Variants in EXOC6B observed in about 807,000 individuals in gnomAD.
EXOC6B encodes exocyst complex component 6B.
In EXOC6B, 54 loss-of-function variants were observed where a neutral mutation model predicts 113.5. The ratio of observed to expected loss-of-function variants is 0.48; its 90% CI spans 0.38 to 0.60. EXOC6B has a LOEUF of 0.60. Among genes scored for constraint, EXOC6B ranks in the 20% least tolerant of loss-of-function variants. EXOC6B has a pLI of 0.00. For synonymous variants in EXOC6B, 357 were observed against 339.0 expected, an observed-to-expected ratio of 1.05 and a Z score of -0.58; for missense variants, 797 against 977.5, an observed-to-expected ratio of 0.82 and a Z score of 2.46.
chr2:72,643,513 A>G (rs1177721876), intron 6 of EXOC6B, among the ~76,000 whole-genome samples: 3 of 149,084 alleles, frequency 2.0e-5, no homozygotes, highest in Non-Finnish European at 4.4e-5. Flanking sequence ...TATCGCAAGA[A>G]CAAAAAACCA....
intron 20 of EXOC6B, among the ~76,000 whole-genome samples, chr2:72,239,170 C>T (rs532188656): frequency 4.6e-5 from 7 of 152,330 alleles, no homozygotes; most frequent in East Asian, 1.9e-4. Flanking sequence ...GGATTATGAG[C>T]GTGAGCCACT....
intron 18 of EXOC6B, among the ~76,000 whole-genome samples, chr2:72,434,948 C>T (rs1436913750): frequency 6.6e-6 from 1 of 152,080 alleles, no homozygotes; most frequent in Non-Finnish European, 1.5e-5. Flanking sequence ...CTTCTGCTAG[C>T]TTTTGAATGT....
At chr2:72,727,285 A>G (rs1680357534) in intron 5 of EXOC6B, among the ~76,000 whole-genome samples, 1 of 152,194 alleles carries the variant, frequency 6.6e-6, no homozygotes, top group Non-Finnish European at 1.5e-5. Flanking sequence ...TAATTGTATG[A>G]AATGTAAAAG....
intron 20 of EXOC6B, among the ~76,000 whole-genome samples, chr2:72,251,916 A>T (rs1390164707): frequency 6.6e-6 from 1 of 152,028 alleles, no homozygotes; most frequent in Non-Finnish European, 1.5e-5. Flanking sequence ...ATCTATCAGC[A>T]CTCTTGCAAC....
chr2:72,601,159 T>TGC (rs1670409308), intron 6 of EXOC6B, among the ~76,000 whole-genome samples: 1 of 136,694 alleles, frequency 7.3e-6, no homozygotes, highest in Non-Finnish European at 1.6e-5. Context: ...TGTGTGTGTG[T>TGC]GTGTGTGTGT....
At chr2:72,491,280 C>A (rs1699729300) in intron 16 of EXOC6B, among the ~76,000 whole-genome samples, 1 of 151,998 alleles carries the variant, frequency 6.6e-6, no homozygotes, top group Non-Finnish European at 1.5e-5. Context: ...CTTCCAATGT[C>A]CCATCTTATT....
intron 6 of EXOC6B, among the ~76,000 whole-genome samples, chr2:72,632,810 T>G (rs868583925): frequency 8.5e-5 from 13 of 152,104 alleles, no homozygotes; most frequent in African/African-American, 2.4e-4. Context: ...GCCTCCCAAA[T>G]AGCTGGGACT....
chr2:72,370,182 C>T (rs1690909905), intron 19 of EXOC6B, among the ~76,000 whole-genome samples: 1 of 152,068 alleles, frequency 6.6e-6, no homozygotes, highest in South Asian at 2.1e-4. Context: ...ACAAACAACC[C>T]CTTCAAAAAG....
Position 72,694,057 on chromosome 2 carries a change from C to T in EXOC6B, c.669+24046G>A, listed in dbSNP as rs1573635193. Among the ~76,000 whole-genome samples, 3 of 151,946 alleles carry T rather than the reference C, an allele frequency of 2.0e-5. No homozygotes were observed. In the South Asian group the frequency reaches 6.2e-4, roughly 32 times the overall value. Reference sequence around the variant, plus strand: ...TTGATCTATGCCTATGATATAAATGCATATTTCTTTCTAAAAGAATGTCCT... The same window carrying T: ...TTGATCTATGCCTATGATATAAATGTATATTTCTTTCTAAAAGAATGTCCT... On this transcript the variant is annotated intron_variant, in intron 6 of 21. Coordinates refer to ENST00000272427, the MANE Select transcript of EXOC6B (RefSeq NM_015189.3).
chr2:72,720,763 T>A (rs1424457127), intron 5 of EXOC6B, among the ~76,000 whole-genome samples: 3 of 148,068 alleles, frequency 2.0e-5, no homozygotes, highest in African/African-American at 5.0e-5. Context: ...AAAATAAAAA[T>A]AAAAAATAAA....
chr2:72,365,963 A>C (rs1346955585), intron 19 of EXOC6B, among the ~76,000 whole-genome samples: 1 of 152,158 alleles, frequency 6.6e-6, no homozygotes, highest in Non-Finnish European at 1.5e-5. Context: ...TCCAATTGCA[A>C]ATAACTAAAA....
At chr2:72,764,005 G>A (rs532322012) in intron 1 of EXOC6B, among the ~76,000 whole-genome samples, 1 of 152,172 alleles carries the variant, frequency 6.6e-6, no homozygotes, top group South Asian at 2.1e-4. Context: ...CTTGAGCCCA[G>A]GAGGTCAAGG....
At chr2:72,572,194 C>T (rs1331578336) in intron 7 of EXOC6B, among the ~76,000 whole-genome samples, 1 of 152,056 alleles carries the variant, frequency 6.6e-6, no homozygotes, top group Non-Finnish European at 1.5e-5. Flanking sequence ...TATGTATATA[C>T]TAAAAAAGCT....
intron 18 of EXOC6B, among the ~76,000 whole-genome samples, chr2:72,427,341 G>A (rs998796995): frequency 5.9e-5 from 9 of 152,142 alleles, no homozygotes; most frequent in East Asian, 1.9e-4. Context: ...CCTCCCAAGC[G>A]CAGGACTTGG....
chr2:72,335,185 CGT>C (rs1243249029), intron 19 of EXOC6B, 165 bp from the exon 20 acceptor site: 1 of 615,236 alleles, frequency 1.6e-6, no homozygotes, highest in Non-Finnish European at 2.9e-6. Flanking sequence ...CTTCAAAATT[CGT>C]GTCATCAAAA....
intron 20 of EXOC6B, among the ~76,000 whole-genome samples, chr2:72,210,274 A>C (rs898990483): frequency 1.3e-5 from 2 of 152,192 alleles, no homozygotes; most frequent in African/African-American, 4.8e-5. Context: ...CCCTCAAGGA[A>C]TTTACAATTA....
chr2:72,424,855 A>G (rs1453536407), intron 18 of EXOC6B, among the ~76,000 whole-genome samples: 2 of 152,138 alleles, frequency 1.3e-5, no homozygotes, highest in Non-Finnish European at 1.5e-5. Context: ...TTTTATTTTA[A>G]GTTCAGGGGT....
At chr2:72,783,977 G>A (rs923195484) in intron 1 of EXOC6B, among the ~76,000 whole-genome samples, 1 of 152,132 alleles carries the variant, frequency 6.6e-6, no homozygotes, top group African/African-American at 2.4e-5. Flanking sequence ...ATAGTTTCAG[G>A]TCTTATGTTT....
intron 8 of EXOC6B, among the ~76,000 whole-genome samples, chr2:72,535,662 C>T (rs372127574): frequency 5.9e-4 from 89 of 151,890 alleles, no homozygotes; most frequent in African/African-American, 2.0e-3. Flanking sequence ...CACCTGAGGT[C>T]GAGAGTTCAA....
Sources: gnomAD v4.1 joint callset for allele counts (sites outside exome capture counted in the v4.1 genomes callset) on GRCh38, gnomAD v4.1.1 for gene constraint, MANE v1.5 for transcripts, NCBI Gene and HGNC (gene_info 2026-07-23, HGNC 2026-07-21) for gene names.